The following SLC13A3 variants were observed in gnomAD, a reference collection of about 807,000 sequenced individuals.
The protein encoded by SLC13A3 is solute carrier family 13 member 3.
SLC13A3 carries 40 observed loss-of-function variants against 59.0 expected under a neutral mutation model. The observed-to-expected ratio is 0.68, with a 90% CI of 0.53 to 0.88. SLC13A3 has a LOEUF of 0.88. Ranked by LOEUF, SLC13A3 falls within the 40% of genes least tolerant of loss-of-function variation. The pLI is 0.00. For missense variants in SLC13A3, 699 were observed against 783.2 expected (o/e 0.89, Z 1.28); for synonymous variants, 317 against 330.3 (o/e 0.96, Z 0.44).
At chr20:46,560,332 C>A (rs910062) in intron 12 of SLC13A3, 134 bp from the exon 13 acceptor site, 461,946 of 763,098 alleles carry the variant, frequency 0.61, 142,476 homozygotes, top group Non-Finnish European at 0.63. Context: ...GGACACAGAC[C>A]CAGGTCGGTA....
chr20:46,658,268 A>G (rs1044596616), intron 1 of SLC13A3, among the ~76,000 whole-genome samples: 1 of 152,350 alleles, frequency 6.6e-6, no homozygotes, highest in Middle Eastern at 3.4e-3. Flanking sequence ...TACATTCTGC[A>G]TAATTATATC....
Position 46,588,106 on chromosome 20 carries a change from G to A in SLC13A3, c.1074C>T (p.Thr358=). The A allele has an allele frequency of 6.2e-7, 1 of 1,613,154 alleles. No individual in the cohort carries two copies. Among genetic ancestry groups the A allele is most frequent in the Non-Finnish European group, 8.5e-7 (1 of 1,179,466 alleles). The part of the protein sequence containing the change: ...LFCMFAILLF[T]RDPKFIPGWA... ...AGCCAGGGATGAACTTCGGGTCCCG[G>A]GTGAAGAGGAGGATGGCAAACATGC... The change falls in exon 8 of 13, where the codon ACC becomes ACT. Residue 358 remains threonine, a synonymous_variant. Coordinates refer to ENST00000279027, the MANE Select transcript of SLC13A3 (RefSeq NM_022829.6).
intron 5 of SLC13A3, among the ~76,000 whole-genome samples, chr20:46,595,828 C>A (rs2062306106): frequency 6.6e-6 from 1 of 152,164 alleles, no homozygotes; most frequent in Admixed American, 6.5e-5. Context: ...AAATGTCAGC[C>A]CATCAGAGAG....
upstream of SLC13A3, among the ~76,000 whole-genome samples, chr20:46,655,034 T>C (rs926885926): frequency 6.6e-6 from 1 of 152,224 alleles, no homozygotes; most frequent in Non-Finnish European, 1.5e-5. Flanking sequence ...CTGATATCAT[T>C]TGAGTTATTT....
chr20:46,584,440 T>C (rs1340198871), intron 8 of SLC13A3: 2 of 985,404 alleles, frequency 2.0e-6, no homozygotes, highest in Non-Finnish European at 2.4e-6. Flanking sequence ...GGCCTGAAAC[T>C]CAGATTGTTC....
At chr20:46,610,879 G>GA (rs1188837564) in intron 2 of SLC13A3, among the ~76,000 whole-genome samples, 1 of 152,040 alleles carries the variant, frequency 6.6e-6, no homozygotes, top group East Asian at 1.9e-4. Context: ...AATCCTCAAT[G>GA]ATACCCATTT....
intron 1 of SLC13A3, among the ~76,000 whole-genome samples, chr20:46,683,324 GGTA>G: frequency 6.6e-6 from 1 of 152,296 alleles, no homozygotes; most frequent in South Asian, 2.1e-4. Flanking sequence ...GGGGAATGCT[GGTA>G]GCTGTGCCAA....
At chr20:46,655,996 T>C (rs2062986090), upstream of SLC13A3, among the ~76,000 whole-genome samples, 1 of 143,568 alleles carries the variant, frequency 7.0e-6, no homozygotes, top group Non-Finnish European at 1.5e-5. Context: ...TATATATGTA[T>C]ACTACATATA....
chr20:46,656,577 TAC>T (rs1476962209), intron 1 of SLC13A3, among the ~76,000 whole-genome samples: 2 of 147,160 alleles, frequency 1.4e-5, no homozygotes, highest in Admixed American at 6.9e-5. Flanking sequence ...TACTATACAG[TAC>T]ATATATTATA....
chr20:46,666,388 T>C lies in SLC13A3; in HGVS notation c.-31+3655A>G, dbSNP rs1365739317. Among the ~76,000 whole-genome samples, 3 of 152,308 alleles carry C rather than the reference T, an allele frequency of 2.0e-5. No individual in the cohort carries two copies. In the East Asian group the frequency reaches 5.8e-4, roughly 29 times the overall value. ...TGGGCTCTTGCTGAGCCAGGCAATA[T>C]TGTTTTATTTTTATTTTATTTATTC... On this transcript the variant is annotated intron_variant, in intron 1 of 12. Coordinates refer to the SLC13A3 transcript ENST00000290317.
chr20:46,655,209 T>C (rs939378213), upstream of SLC13A3, among the ~76,000 whole-genome samples: 3 of 41,336 alleles, frequency 7.3e-5, no homozygotes, highest in Admixed American at 1.8e-4. Context: ...CTTGGGTCTG[T>C]AGATTTATAA....
At chr20:46,574,220 G>A (rs2062053102) in intron 10 of SLC13A3, among the ~76,000 whole-genome samples, 1 of 152,340 alleles carries the variant, frequency 6.6e-6, no homozygotes. Context: ...CAAAATTCTA[G>A]AGTGAACAAT....
intron 1 of SLC13A3, among the ~76,000 whole-genome samples, chr20:46,666,293 C>G (rs891431679): frequency 1.3e-5 from 2 of 152,194 alleles, no homozygotes; most frequent in African/African-American, 2.4e-5. Context: ...GTGTCAGTAT[C>G]CCTTTAAGAC....
At chr20:46,572,179 C>A (rs1391723288) in intron 10 of SLC13A3, among the ~76,000 whole-genome samples, 1 of 152,164 alleles carries the variant, frequency 6.6e-6, no homozygotes, top group Non-Finnish European at 1.5e-5. Context: ...CACACCCAGG[C>A]TCACCCTGGA....
chr20:46,561,711 T>C (rs552384416), intron 12 of SLC13A3, among the ~76,000 whole-genome samples: 277 of 152,076 alleles, frequency 1.8e-3, no homozygotes, highest in Admixed American at 4.9e-3. Context: ...AAATAAATAT[T>C]ACCACGGACG....
In SLC13A3 at chr20:46,596,317, C is replaced by T. The variant is rs746122721; in HGVS notation, c.634G>A (p.Val212Ile). The change falls in exon 5 of 13, where the codon GTT becomes ATT. Residue 212 changes from valine (V) to isoleucine (I), a missense_variant. Transcript: ENST00000279027. ...GAGTCAGCCGGCAGATCCAGTGGAA[C>T]CTCTGTCTCCCCAGGGTGGTCTTTG... ...EAKDHPGETE[V>I]PLDLPADSRK... The T allele has an allele frequency of 3.1e-6, 5 of 1,614,032 alleles. No individual in the cohort carries two copies. The Admixed American group carries it at 5.0e-5, about 16-fold the overall frequency.
At chr20:46,591,189 T>TAAAC (rs769928603) in intron 6 of SLC13A3, among the ~76,000 whole-genome samples, 1 of 144,864 alleles carries the variant, frequency 6.9e-6, no homozygotes, top group African/African-American at 2.7e-5. Context: ...AATAAATAAA[T>TAAAC]AAATAAACAA....
chr20:46,575,820 T>C lies in SLC13A3; in HGVS notation c.1220-135A>G, dbSNP rs891362428. 5 of 507,524 alleles carry C rather than the reference T, an allele frequency of 9.9e-6. No individual in the cohort carries two copies. The African/African-American group carries it at 9.9e-5, about 10-fold the overall frequency. The allele number at this position is 507,524 out of a possible 1,614,324, so 31.4% of individuals were successfully genotyped here. A position where few individuals can be genotyped will look rare whatever the true frequency, so the allele number is the denominator to read the frequency against. On this transcript the variant is annotated intron_variant, in intron 9 of 12. Transcript: ENST00000279027. ...CAAAGTGTGGATCCAGCATTTGACT[T>C]GGAGCTTTAGGGAGAGAGTGCACAG...
intron 1 of SLC13A3, chr20:46,681,891 A>G (rs1472596287): frequency 6.6e-6 from 1 of 152,186 alleles, no homozygotes; most frequent in African/African-American, 2.4e-5. Context: ...TAACCCATTA[A>G]TCTATTAGTC....
Sources: gnomAD v4.1 joint callset for allele counts (sites outside exome capture counted in the v4.1 genomes callset) on GRCh38, gnomAD v4.1.1 for gene constraint, MANE v1.5 for transcripts, NCBI Gene and HGNC (gene_info 2026-07-23, HGNC 2026-07-21) for gene names.